Variants in MAPK6 observed in about 807,000 individuals in gnomAD.
MAPK6 encodes ERK-3.
Under a neutral mutation model 59.3 loss-of-function variants are expected in MAPK6, and 19 were observed. The ratio of observed to expected loss-of-function variants is 0.32; its 90% confidence interval spans 0.22 to 0.47. The LOEUF is 0.47. Among genes scored for constraint, MAPK6 ranks in the 20% least tolerant of loss-of-function variants. The pLI, the probability that MAPK6 is intolerant of heterozygous loss-of-function variation, is 1.00. For missense variants in MAPK6, 724 were observed against 847.9 expected, an observed-to-expected ratio of 0.85 and a Z score of 1.81; for synonymous variants, 316 against 290.3, an observed-to-expected ratio of 1.09 and a Z score of -0.90.
At chr15:51,982,419 A>G (rs1030734893) in intron 1 of MAPK6, among the ~76,000 whole-genome samples, 3 of 152,244 alleles carry the variant, frequency 2.0e-5, no homozygotes, top group Non-Finnish European at 4.4e-5. Context: ...CATCCTTAAC[A>G]GTAATATGGC....
chr15:51,978,605 A>G (rs2057163798), intron 1 of MAPK6, among the ~76,000 whole-genome samples: 1 of 151,854 alleles, frequency 6.6e-6, no homozygotes, highest in Non-Finnish European at 1.5e-5. Flanking sequence ...CACCAAAATG[A>G]GTTATGAAAG....
intron 2 of MAPK6, among the ~76,000 whole-genome samples, chr15:51,991,658 T>C (rs2057209163): frequency 6.6e-6 from 1 of 152,222 alleles, no homozygotes; most frequent in Non-Finnish European, 1.5e-5. Context: ...ATGTCATAGA[T>C]ACATACACAG....
rs1309324572 is a variant in MAPK6 at position 51,997,406 on chromosome 15, T to C, written c.-769-6859T>C. On this transcript the variant is annotated intron_variant, in intron 2 of 7. Transcript: ENST00000691380. ...CCTGCCTCAGCCTCCTAAGTAGACA[T>C]GTGCCACGACACCCAGCTAATTTGC... Among the ~76,000 whole-genome samples the C allele has an allele frequency of 3.0e-4, 39 of 130,068 alleles. No homozygotes were observed. The Admixed American group carries it at 3.0e-3, about 10-fold the overall frequency. 85.3% of individuals were successfully genotyped at this position (130,068 alleles called of 152,430 possible).
In MAPK6 at chr15:51,971,900, C is replaced by T. The variant is rs865897049; in HGVS notation, c.-886C>T. 1.5e-5 allele frequency: 11 copies of T among 726,394 alleles called. No homozygotes were observed. The Middle Eastern group carries it at 9.3e-4, about 62-fold the overall frequency. The allele number at this position is 726,394 out of a possible 1,614,324, so 45.0% of individuals were successfully genotyped here. A position where few individuals can be genotyped will look rare whatever the true frequency, so the allele number is the denominator to read the frequency against. ...TTCGCTCGCCCAGTGAACCTGTTCT[C>T]GCCTGGGTATGCATGGTATATAAGC... On this transcript the variant is annotated 5_prime_UTR_variant, in exon 1 of 8. Transcript: ENST00000691380.
Position 52,049,996 on chromosome 15 carries a change from C to T in MAPK6, c.559C>T (p.His187Tyr), listed in dbSNP as rs867422980. 5 of 1,610,296 alleles carry T rather than the reference C, an allele frequency of 3.1e-6. No individual in the cohort carries two copies. Among genetic ancestry groups the T allele is most frequent in the South Asian group, 1.1e-5 (1 of 90,894 alleles). The change falls in exon 3 of 6, where the codon CAT (histidine) becomes TAT (tyrosine). Residue 187 changes from histidine to tyrosine, a missense_variant. Transcript: ENST00000261845. The stretch of plus-strand genomic sequence containing the variant: ...ATGTTTTTTGTTTCTTTTATAGGGT[C>T]ATCTTTCTGAAGGATTGGTTACTAA... ...IMDPHYSHKG[H>Y]LSEGLVTKWY...
Position 52,064,592 on chromosome 15 carries a change from A to G in MAPK6, c.1758A>G (p.Glu586=), listed in dbSNP as rs749006261. 5.6e-6 allele frequency: 9 copies of G among 1,611,722 alleles called. No homozygotes were observed. Among genetic ancestry groups the G allele is most frequent in the Non-Finnish European group, 7.6e-6 (9 of 1,179,706 alleles). ...EKGMANLAQL[E]ALYQSSWDSQ... is the part of the protein sequence containing the mutation. ...GAATGGCAAATCTGGCTCAATTAGA[A>G]GCCTTGTACCAGTCTTCTTGGGACA... is the stretch of plus-strand genomic sequence containing the variant. The change falls in exon 6 of 6, where the codon GAA becomes GAG. Residue 586 remains glutamate (E), a synonymous_variant. Coordinates refer to ENST00000261845, the MANE Select transcript of MAPK6 (RefSeq NM_002748.4).
intron 1 of MAPK6, among the ~76,000 whole-genome samples, chr15:51,982,222 G>T (rs774733378): frequency 1.2e-4 from 18 of 152,152 alleles, no homozygotes; most frequent in Non-Finnish European, 2.1e-4. Context: ...TTATCCAACT[G>T]GCTGATTTAG....
At chr15:51,980,539 T>G (rs568109377) in intron 1 of MAPK6, among the ~76,000 whole-genome samples, 1 of 148,306 alleles carries the variant, frequency 6.7e-6, no homozygotes, top group Non-Finnish European at 1.5e-5. Flanking sequence ...GGCATCACAT[T>G]AGTTGCCTCA....
chr15:51,990,220 G>T (rs970955127), intron 2 of MAPK6, among the ~76,000 whole-genome samples: 1 of 152,174 alleles, frequency 6.6e-6, no homozygotes, highest in Non-Finnish European at 1.5e-5. Flanking sequence ...AGTGCAAAAG[G>T]TTGCACTAAA....
chr15:52,000,109 GT>G (rs112632149), intron 2 of MAPK6, among the ~76,000 whole-genome samples: 18 of 145,066 alleles, frequency 1.2e-4, no homozygotes, highest in African/African-American at 2.0e-4. Flanking sequence ...GGCTAATTTT[GT>G]TTTTTTTTTT....
intron 1 of MAPK6, among the ~76,000 whole-genome samples, chr15:52,040,509 G>A (rs1220711335): frequency 6.6e-6 from 1 of 152,084 alleles, no homozygotes; most frequent in African/African-American, 2.4e-5. Context: ...TTATGTTTAT[G>A]GCCCTTACTT....
rs987867686 is a variant in MAPK6 at position 51,997,563 on chromosome 15, A to T, written c.-769-6702A>T. On this transcript the variant is annotated intron_variant, in intron 2 of 7. Transcript: ENST00000691380. ...ATGAACCACCTTGCCCGGCCCAGGC[A>T]AATTTTTAAAGTTATTTTCTTTCTT... 4.0e-5 allele frequency among the ~76,000 whole-genome samples: 6 copies of T among 151,788 alleles called. No homozygotes were observed. The South Asian group carries it at 1.0e-3, about 26-fold the overall frequency.
At chr15:52,049,057 G>T (rs919689868) in intron 2 of MAPK6, among the ~76,000 whole-genome samples, 1 of 152,156 alleles carries the variant, frequency 6.6e-6, no homozygotes, top group Non-Finnish European at 1.5e-5. Context: ...CCTATAAAAT[G>T]GAGTTAATAT....
At chr15:52,029,183 G>A (rs1380402421) in intron 1 of MAPK6, among the ~76,000 whole-genome samples, 5 of 152,136 alleles carry the variant, frequency 3.3e-5, no homozygotes, top group Admixed American at 1.3e-4. Flanking sequence ...GATTACAGGC[G>A]CACACCACCA....
At chr15:52,021,241 G>T (rs1007259095) in intron 1 of MAPK6, among the ~76,000 whole-genome samples, 2 of 152,096 alleles carry the variant, frequency 1.3e-5, no homozygotes, top group African/African-American at 2.4e-5. Flanking sequence ...AAATAGTAAG[G>T]TTTGCTGACT....
intron 1 of MAPK6, among the ~76,000 whole-genome samples, chr15:52,027,349 CAAA>C (rs71130120): frequency 2.0e-4 from 10 of 49,170 alleles, no homozygotes; most frequent in East Asian, 7.4e-4. Flanking sequence ...GACTCCCTCT[CAAA>C]AAAAAAAAAA....
At chr15:52,022,348 C>T (rs1296147852) in intron 1 of MAPK6, among the ~76,000 whole-genome samples, 1 of 152,198 alleles carries the variant, frequency 6.6e-6, no homozygotes, top group African/African-American at 2.4e-5. Flanking sequence ...GCAACCTCTA[C>T]TTCCCGGGCT....
At chr15:52,035,394 G>T (rs754854513) in intron 1 of MAPK6, among the ~76,000 whole-genome samples, 5 of 152,170 alleles carry the variant, frequency 3.3e-5, no homozygotes, top group Admixed American at 6.5e-5. Context: ...CACCGCTTTG[G>T]GAGGCCGAGG....
At chr15:52,060,252 C>CTAAAGAAAA (rs1176110293) in intron 4 of MAPK6, among the ~76,000 whole-genome samples, 1 of 152,024 alleles carries the variant, frequency 6.6e-6, no homozygotes, top group African/African-American at 2.4e-5. Context: ...AATTATCTTT[C>CTAAAGAAAA]TAAAGAAAAG....
Sources: gnomAD v4.1 joint callset for allele counts (sites outside exome capture counted in the v4.1 genomes callset) on GRCh38, gnomAD v4.1.1 for gene constraint, MANE v1.5 for transcripts, NCBI Gene and HGNC (gene_info 2026-07-23, HGNC 2026-07-21) for gene names.